UBE3C: variants seen among roughly 807,000 people sequenced by gnomAD.
UBE3C encodes the protein ubiquitin protein ligase E3C, also known as ubiquitin-protein ligase E3C.
In UBE3C, 42 loss-of-function variants were observed where a neutral mutation model predicts 129.4. That is an observed-to-expected ratio of 0.32 (90% CI 0.25 to 0.42). UBE3C has a LOEUF of 0.42. Ranked by LOEUF, UBE3C falls within the 10% of genes least tolerant of loss-of-function variation. The pLI is 1.00. For missense variants in UBE3C, 1,049 were observed against 1,319.1 expected (o/e 0.80, Z 3.17); for synonymous variants, 510 against 492.4 (o/e 1.04, Z -0.47).
intron 1 of UBE3C, among the ~76,000 whole-genome samples, chr7:157,159,621 A>T (rs1808013471): frequency 6.6e-6 from 1 of 152,242 alleles, no homozygotes; most frequent in African/African-American, 2.4e-5. Context: ...TAATACCAGC[A>T]CTTTGGGAGG....
At chr7:157,256,823 T>C (rs1308050557) in intron 21 of UBE3C, 91 bp from the exon 22 acceptor site, 11 of 1,531,626 alleles carry the variant, frequency 7.2e-6, no homozygotes, top group East Asian at 2.3e-5. Context: ...CCATGGACTT[T>C]AGTTTCCGTG....
In UBE3C at chr7:157,241,458, G is replaced by A. The variant is rs560062937; in HGVS notation, c.2482-6910G>A. On this transcript the variant is annotated intron_variant, in intron 18 of 22. Transcript: ENST00000348165. ...CAGCAAGCAAATGGGCCATTGGTTC[G>A]TGCAAAGATGGCCAGCATCACTAGT... Among the ~76,000 whole-genome samples, 12 of 152,320 alleles carry A rather than the reference G, an allele frequency of 7.9e-5. No homozygotes were observed. The South Asian group carries it at 1.2e-3, about 16-fold the overall frequency.
intron 4 of UBE3C, among the ~76,000 whole-genome samples, chr7:157,173,126 C>T (rs1202419683): frequency 6.6e-6 from 1 of 152,214 alleles, no homozygotes; most frequent in Non-Finnish European, 1.5e-5. Flanking sequence ...GTAATACCAA[C>T]ACTTTGTGGG....
At chr7:157,197,686 A>G (rs576046043) in intron 10 of UBE3C, 3 of 1,609,828 alleles carry the variant, frequency 1.9e-6, no homozygotes, top group East Asian at 2.2e-5. Context: ...TTATTCGGAA[A>G]TGAAGTCACA....
intron 1 of UBE3C, among the ~76,000 whole-genome samples, chr7:157,155,854 A>G (rs1807888269): frequency 6.6e-6 from 1 of 151,920 alleles, no homozygotes; most frequent in Admixed American, 6.5e-5. Flanking sequence ...GTGGGTAGTT[A>G]CAGCAGGGAG....
intron 22 of UBE3C, among the ~76,000 whole-genome samples, chr7:157,265,941 G>A (rs778594276): frequency 2.0e-5 from 3 of 152,070 alleles, no homozygotes; most frequent in Non-Finnish European, 4.4e-5. Context: ...TTAAATTCTG[G>A]CACAAGCAAG....
chr7:157,187,559 T>C (rs538620620), intron 10 of UBE3C, among the ~76,000 whole-genome samples: 1 of 150,768 alleles, frequency 6.6e-6, no homozygotes, highest in Non-Finnish European at 1.5e-5. Context: ...TTTTTTGTTT[T>C]TGTGTGTGTG....
At chr7:157,258,414 T>C (rs186691116) in intron 22 of UBE3C, among the ~76,000 whole-genome samples, 1 of 152,148 alleles carries the variant, frequency 6.6e-6, no homozygotes, top group Non-Finnish European at 1.5e-5. Context: ...GAAAAAGTAA[T>C]GTTAAGGTTT....
chr7:157,138,982 A>T lies in UBE3C; in HGVS notation c.-291A>T, dbSNP rs1389092051. 6.6e-6 allele frequency: 1 copy of T among 152,566 alleles called. No homozygotes were observed. The highest frequency in any genetic ancestry group is 1.5e-5 in the Non-Finnish European group (1 of 68,582). The allele number at this position is 152,566 out of a possible 1,614,324, so 9.5% of individuals were successfully genotyped here. A position where few individuals can be genotyped will look rare whatever the true frequency, so the allele number is the denominator to read the frequency against. On this transcript the variant is annotated 5_prime_UTR_variant, in exon 1 of 23. It adds an upstream start codon to the 5' untranslated region. Coordinates refer to ENST00000348165, the MANE Select transcript of UBE3C (RefSeq NM_014671.3). ...TCCCGAGGCGGCAGTTCCAGGTGCA[A>T]GCGCCGGGTTTGCTGCCCGCTGGGC...
intron 18 of UBE3C, among the ~76,000 whole-genome samples, chr7:157,247,209 A>G (rs1348457497): frequency 1.3e-5 from 2 of 152,178 alleles, no homozygotes; most frequent in African/African-American, 4.8e-5. Context: ...TCTAACACGA[A>G]TGGCTTTTGT....
chr7:157,216,449 C>T (rs1795574741), intron 13 of UBE3C, among the ~76,000 whole-genome samples: 1 of 151,278 alleles, frequency 6.6e-6, no homozygotes. Context: ...ATCCTTAGAT[C>T]ACTCAGGTAT....
intron 11 of UBE3C, 106 bp from the exon 12 acceptor site, chr7:157,207,292 T>C: frequency 6.8e-7 from 1 of 1,462,464 alleles, no homozygotes; most frequent in Non-Finnish European, 9.2e-7. Flanking sequence ...CTAATGCAAA[T>C]GTTACTTTCC....
intron 1 of UBE3C, among the ~76,000 whole-genome samples, chr7:157,141,912 C>T (rs1325665561): frequency 6.6e-6 from 1 of 152,180 alleles, no homozygotes; most frequent in Non-Finnish European, 1.5e-5. Flanking sequence ...GCTGTGTGTG[C>T]CTTTTGGTGC....
chr7:157,194,483 G>T (rs1406473971), intron 10 of UBE3C, among the ~76,000 whole-genome samples: 2 of 152,168 alleles, frequency 1.3e-5, no homozygotes, highest in African/African-American at 2.4e-5. Flanking sequence ...TTAGAATGCT[G>T]CTGTAACAAA....
At chr7:157,180,576 CTACCAAATACGCTTGTATATGATGAGA>C (rs895802556) in intron 6 of UBE3C, among the ~76,000 whole-genome samples, 1 of 130,026 alleles carries the variant, frequency 7.7e-6, no homozygotes, top group African/African-American at 2.8e-5. Context: ...TTTTAATGTG[CTACCAAATACGCTTGTATATGATGAGA>C]TACTCAAAAA....
chr7:157,224,967 A>G (rs1795837961), intron 16 of UBE3C, among the ~76,000 whole-genome samples: 1 of 152,208 alleles, frequency 6.6e-6, no homozygotes, highest in Non-Finnish European at 1.5e-5. Context: ...CTAAGTTTTT[A>G]TAAAGGATTT....
chr7:157,162,681 G>A (rs1013734816), intron 1 of UBE3C, among the ~76,000 whole-genome samples: 1 of 151,690 alleles, frequency 6.6e-6, no homozygotes, highest in Non-Finnish European at 1.5e-5. Flanking sequence ...CTGGGACTAC[G>A]GGCACATACT....
At position 157,232,631 on chromosome 7, in the gene UBE3C, C is replaced by T. The variant is rs1382337690; in HGVS notation, c.2481+1304C>T. On this transcript the variant is annotated intron_variant, in intron 18 of 22. Coordinates refer to ENST00000348165, the MANE Select transcript of UBE3C (RefSeq NM_014671.3). ...CCTACCAAAGTGCTGGGATTACAAG[C>T]GTGAGCCACTGCACCTGGCCTGTTA... is the stretch of plus-strand genomic sequence containing the variant. Among the ~76,000 whole-genome samples the T allele has an allele frequency of 3.9e-5, 6 of 152,190 alleles. No individual in the cohort carries two copies. The East Asian group carries it at 7.7e-4, about 20-fold the overall frequency.
intron 10 of UBE3C, chr7:157,192,282 T>TA: frequency 2.5e-6 from 1 of 405,206 alleles, no homozygotes; most frequent in Non-Finnish European, 4.6e-6. Context: ...ACCACGTTTT[T>TA]AAAGTTTTCT....
Sources: gnomAD v4.1 joint callset for allele counts (sites outside exome capture counted in the v4.1 genomes callset) on GRCh38, gnomAD v4.1.1 for gene constraint, MANE v1.5 for transcripts, NCBI Gene and HGNC (gene_info 2026-07-23, HGNC 2026-07-21) for gene names.